SAMD12: variants seen among roughly 807,000 people sequenced by gnomAD.
The protein encoded by SAMD12 is sterile alpha motif domain-containing protein 12.
Under a neutral mutation model 15.0 loss-of-function variants are expected in SAMD12, and 9 were observed. The ratio of observed to expected loss-of-function variants is 0.60; its 90% CI spans 0.36 to 1.05. SAMD12 has a LOEUF of 1.05. Ranked by LOEUF, SAMD12 falls within the 50% of genes least tolerant of loss-of-function variation. SAMD12 has a pLI of 0.01. For missense variants in SAMD12, 230 were observed against 234.2 expected, an observed-to-expected ratio of 0.98 and a Z score of 0.12; for synonymous variants, 86 against 90.1, an observed-to-expected ratio of 0.96 and a Z score of 0.25.
chr8:118,600,283 T>TAA (rs557698514), intron 1 of SAMD12, among the ~76,000 whole-genome samples: 8 of 138,128 alleles, frequency 5.8e-5, no homozygotes, highest in African/African-American at 1.1e-4. Flanking sequence ...AAAACTAGAG[T>TAA]AAAAAAAAAA....
At chr8:118,226,029 A>G (rs1812181466) in intron 4 of SAMD12, among the ~76,000 whole-genome samples, 1 of 152,166 alleles carries the variant, frequency 6.6e-6, no homozygotes, top group South Asian at 2.1e-4. Context: ...TGTACACAGT[A>G]GGAAGACAAA....
At chr8:118,328,392 C>G (rs1463241925) in intron 4 of SAMD12, among the ~76,000 whole-genome samples, 1 of 152,190 alleles carries the variant, frequency 6.6e-6, no homozygotes, top group African/African-American at 2.4e-5. Flanking sequence ...AGATTATTGG[C>G]AACTTCATTA....
At chr8:118,550,290 T>A (rs1826283577) in intron 2 of SAMD12, among the ~76,000 whole-genome samples, 1 of 152,198 alleles carries the variant, frequency 6.6e-6, no homozygotes, top group African/African-American at 2.4e-5. Context: ...AAGGTCGGGT[T>A]ACCCACAAAG....
intron 1 of SAMD12, among the ~76,000 whole-genome samples, chr8:118,614,991 G>A (rs1162852615): frequency 6.6e-6 from 1 of 152,186 alleles, no homozygotes; most frequent in East Asian, 1.9e-4. Context: ...AGGACCATAT[G>A]CAAGATCCAA....
intron 4 of SAMD12, among the ~76,000 whole-genome samples, chr8:118,250,289 A>C (rs1244542159): frequency 6.6e-6 from 1 of 152,134 alleles, no homozygotes; most frequent in Non-Finnish European, 1.5e-5. Context: ...CAAGTTCTTT[A>C]AACTCTCAGA....
At chr8:118,384,377 G>A (rs1285250570) in intron 3 of SAMD12, among the ~76,000 whole-genome samples, 2 of 152,198 alleles carry the variant, frequency 1.3e-5, no homozygotes, top group Non-Finnish European at 2.9e-5. Flanking sequence ...TGGATTTGAG[G>A]CAGAGGTATA....
chr8:118,615,606 G>A (rs879521346), intron 1 of SAMD12, among the ~76,000 whole-genome samples: 5 of 152,018 alleles, frequency 3.3e-5, no homozygotes, highest in Non-Finnish European at 5.9e-5. Flanking sequence ...ACACTCACTC[G>A]CCAGAGTTCA....
At chr8:118,139,636 G>A in the SAMD12 span, among the ~76,000 whole-genome samples, 2 of 152,166 alleles carry the variant, frequency 1.3e-5, no homozygotes, top group Non-Finnish European at 2.9e-5. Flanking sequence ...GGGATTACAT[G>A]TGTGAGCCAC....
chr8:118,485,765 A>G (rs1824259759), intron 2 of SAMD12, among the ~76,000 whole-genome samples: 1 of 152,252 alleles, frequency 6.6e-6, no homozygotes, highest in Non-Finnish European at 1.5e-5. Flanking sequence ...AATTAAAAAA[A>G]GCTAACAAAA....
At chr8:118,517,147 C>G (rs1825265603) in intron 2 of SAMD12, among the ~76,000 whole-genome samples, 1 of 152,100 alleles carries the variant, frequency 6.6e-6, no homozygotes, top group Non-Finnish European at 1.5e-5. Flanking sequence ...GAGTTCCTAG[C>G]TCAAAGGGGG....
rs777418342 is a variant in SAMD12 at position 118,379,528 on chromosome 8, A to G, written c.495T>C (p.Asp165=). 1.2e-6 allele frequency: 2 copies of G among 1,613,646 alleles called. No individual in the cohort carries two copies. The stretch of plus-strand genomic sequence containing the variant: ...AGGTGGTCTTTCTTCTAATCTCCCC[A>G]TCCATCCACCCATCAGGAAGCAATA... The part of the protein sequence containing the change: ...GTLLLPDGWM[D]GEIRRKTTLL... Residue 165 remains aspartate, a synonymous_variant, in exon 4 of 4, where the codon GAT becomes GAC. Coordinates refer to ENST00000314727, the MANE Select transcript of SAMD12 (RefSeq NM_207506.3).
Position 118,332,491 on chromosome 8 carries a change from G to A in SAMD12, c.433+47069C>T, listed in dbSNP as rs1442116206. On this transcript the variant is annotated intron_variant, in intron 4 of 4. Transcript: ENST00000409003. The stretch of plus-strand genomic sequence containing the variant: ...TCCCAAAACAGGATGTGCAGGTGTC[G>A]TTCGTTTATTTAGTCACAACACTGA... Among the ~76,000 whole-genome samples the A allele has an allele frequency of 3.3e-5, 5 of 152,188 alleles. No individual in the cohort carries two copies. In the South Asian group the frequency reaches 6.2e-4, roughly 19 times the overall value.
At chr8:118,553,324 C>CA (rs1826409434) in intron 2 of SAMD12, among the ~76,000 whole-genome samples, 1 of 151,928 alleles carries the variant, frequency 6.6e-6, no homozygotes, top group Admixed American at 6.6e-5. Flanking sequence ...GTACTGGTAC[C>CA]GAAACAGAGA....
intron 2 of SAMD12, among the ~76,000 whole-genome samples, chr8:118,546,853 A>T (rs1452314922): frequency 6.6e-6 from 1 of 152,226 alleles, no homozygotes; most frequent in Non-Finnish European, 1.5e-5. Flanking sequence ...GGAAGAGAAC[A>T]GAAGGCCACA....
intron 1 of SAMD12, among the ~76,000 whole-genome samples, chr8:118,589,854 A>T (rs1257096141): frequency 6.6e-6 from 1 of 152,218 alleles, no homozygotes; most frequent in Non-Finnish European, 1.5e-5. Flanking sequence ...TTATTTTTTT[A>T]AATAAAGTAG....
At chr8:118,617,546 G>A (rs989466081) in intron 1 of SAMD12, among the ~76,000 whole-genome samples, 5 of 152,190 alleles carry the variant, frequency 3.3e-5, no homozygotes, top group African/African-American at 9.6e-5. Context: ...GGGGAGAGAG[G>A]TGAGTGCTGA....
chr8:118,442,599 C>T (rs1187531771), intron 2 of SAMD12, among the ~76,000 whole-genome samples: 3 of 152,218 alleles, frequency 2.0e-5, no homozygotes, highest in South Asian at 2.1e-4. Context: ...CACCTCCTTT[C>T]CTTTGCACAA....
chr8:118,426,835 G>T (rs115740333), intron 3 of SAMD12, among the ~76,000 whole-genome samples: 2,775 of 152,212 alleles, frequency 0.018, 91 homozygotes, highest in African/African-American at 0.064. Context: ...AATTCCTTTG[G>T]TTTATAAAAT....
chr8:118,375,313 A>C (rs952765750), downstream of SAMD12, among the ~76,000 whole-genome samples: 1 of 152,080 alleles, frequency 6.6e-6, no homozygotes. Flanking sequence ...TTGTCTGACT[A>C]TGAGTATATT....
Sources: gnomAD v4.1 joint callset for allele counts (sites outside exome capture counted in the v4.1 genomes callset) on GRCh38, gnomAD v4.1.1 for gene constraint, MANE v1.5 for transcripts, NCBI Gene and HGNC (gene_info 2026-07-23, HGNC 2026-07-21) for gene names.